Variants in CHID1 observed in about 807,000 individuals in gnomAD.
CHID1 encodes chitinase domain-containing protein 1.
In CHID1, 44 loss-of-function variants were observed where a neutral mutation model predicts 55.4. That is an observed-to-expected ratio of 0.79 (90% confidence interval 0.62 to 1.02). The LOEUF (loss-of-function observed/expected upper bound fraction) is 1.02. Ranked by LOEUF, CHID1 falls within the 50% of genes least tolerant of loss-of-function variation. The pLI is 0.00. For synonymous variants in CHID1, 216 were observed against 212.9 expected (o/e 1.01, Z -0.13); for missense variants, 491 against 515.3 (o/e 0.95, Z 0.46).
intron 10 of CHID1, among the ~76,000 whole-genome samples, chr11:880,367 C>T (rs554777298): frequency 4.4e-4 from 67 of 152,332 alleles, no homozygotes; most frequent in Admixed American, 7.2e-4. Context: ...TGACCCAGAG[C>T]GCACCCAGGG....
At chr11:883,648 A>C (rs1283616718) in intron 9 of CHID1, among the ~76,000 whole-genome samples, 2 of 152,222 alleles carry the variant, frequency 1.3e-5, no homozygotes, top group African/African-American at 4.8e-5. Flanking sequence ...CCCCCACCCC[A>C]CAGCCACAGG....
Position 884,061 on chromosome 11 carries a change from C to T in CHID1, c.803+7G>A. The T allele has an allele frequency of 3.7e-6, 6 of 1,611,302 alleles. No individual in the cohort carries two copies. Among genetic ancestry groups the T allele is most frequent in the Non-Finnish European group, 5.1e-6 (6 of 1,177,428 alleles). On this transcript the variant is annotated splice_region_variant and intron_variant, in intron 9 of 12. Transcript: ENST00000323578. ...TGTGCCCAGGAGCCCCCCAAGCCCA[C>T]ACTCACTGATGCGCTGTAGAGTAGT...
intron 8 of CHID1, among the ~76,000 whole-genome samples, chr11:893,011 G>C (rs1477804038): frequency 6.6e-6 from 1 of 152,240 alleles, no homozygotes; most frequent in Non-Finnish European, 1.5e-5. Flanking sequence ...TCTGCCTCTG[G>C]AGGGAGAGGA....
chr11:900,322 C>G (rs1002438911), intron 5 of CHID1, among the ~76,000 whole-genome samples: 1 of 152,132 alleles, frequency 6.6e-6, no homozygotes, highest in Non-Finnish European at 1.5e-5. Flanking sequence ...GGGGAAGGAG[C>G]GAGCAGACAC....
At chr11:912,245 G>A (rs1852736801), upstream of CHID1, among the ~76,000 whole-genome samples, 1 of 152,202 alleles carries the variant, frequency 6.6e-6, no homozygotes, top group South Asian at 2.1e-4. Flanking sequence ...TTGAACCTGG[G>A]AGGCTGAAGT....
chr11:876,246 G>A (rs908748695), intron 10 of CHID1, among the ~76,000 whole-genome samples: 6 of 152,156 alleles, frequency 3.9e-5, no homozygotes, highest in South Asian at 2.1e-4. Flanking sequence ...ACCCCACAAC[G>A]GGTGGCCCAT....
chr11:873,460 CCA>C (rs1849304154), intron 10 of CHID1, among the ~76,000 whole-genome samples: 1 of 152,186 alleles, frequency 6.6e-6, no homozygotes, highest in Admixed American at 6.5e-5. Context: ...CAGGCACCAG[CCA>C]CAGTGAGTGG....
In CHID1 at chr11:891,299, G is replaced by A. The variant is rs554807711; in HGVS notation, c.701+2128C>T. Among the ~76,000 whole-genome samples, 7 of 152,128 alleles carry A rather than the reference G, an allele frequency of 4.6e-5. No individual in the cohort carries two copies. In the South Asian group the frequency reaches 1.0e-3, roughly 23 times the overall value. On this transcript the variant is annotated intron_variant, in intron 8 of 12. Transcript: ENST00000323578. Reference sequence around the variant, plus strand: ...TCCCACTTCCCCGGGGACCCCCACCGTGGGCCTCGGCCCCGCCCCCAGCCT... The same window carrying A: ...TCCCACTTCCCCGGGGACCCCCACCATGGGCCTCGGCCCCGCCCCCAGCCT...
intron 10 of CHID1, among the ~76,000 whole-genome samples, chr11:871,699 G>C (rs1304965530): frequency 4.6e-5 from 7 of 152,244 alleles, no homozygotes. Flanking sequence ...TGTGGGAGGG[G>C]AGGACAGGCA....
chr11:914,684 C>T, upstream of CHID1: 1 of 557,700 alleles, frequency 1.8e-6, no homozygotes, highest in Non-Finnish European at 2.9e-6. Context: ...GATTGCACTG[C>T]TGCACTCCAG....
Position 869,968 on chromosome 11 carries a change from T to C in CHID1, c.1084-12A>G, listed in dbSNP as rs1220511036. ...CGCACCTGCAGGGACTGGGCACAGA[T>C]GGAGGTGTGAGCACCTGCTGGGGCC... On this transcript the variant is annotated splice_polypyrimidine_tract_variant and intron_variant, in intron 12 of 12. Transcript: ENST00000323578. The C allele has an allele frequency of 1.2e-6, 2 of 1,612,414 alleles. No individual in the cohort carries two copies. The highest frequency in any genetic ancestry group is 4.5e-5 in the East Asian group (2 of 44,866).
chr11:899,913 C>G, intron 6 of CHID1, 91 bp downstream of exon 6: 1 of 853,810 alleles, frequency 1.2e-6, no homozygotes, highest in Admixed American at 2.0e-5. Context: ...GACAGAAAAG[C>G]CGAGTGGAGG....
At chr11:870,770 G>C in intron 10 of CHID1, 1 of 417,558 alleles carries the variant, frequency 2.4e-6, no homozygotes, top group Non-Finnish European at 4.5e-6. Context: ...AGAGTGACAC[G>C]GGGCCTGAAA....
chr11:893,610 GCTGGTC>G, intron 7 of CHID1, 91 bp from the exon 8 acceptor site: 1 of 1,053,714 alleles, frequency 9.5e-7, no homozygotes, highest in Non-Finnish European at 1.4e-6. Flanking sequence ...GAGGGGTGGG[GCTGGTC>G]CCCAGCCTGA....
chr11:914,639 C>T, upstream of CHID1: 2 of 1,132,358 alleles, frequency 1.8e-6, no homozygotes, highest in Admixed American at 2.3e-5. Context: ...AGGCTGATCA[C>T]TTGAGCCCAG....
At chr11:871,243 G>A (rs1849158532) in intron 10 of CHID1, among the ~76,000 whole-genome samples, 1 of 151,998 alleles carries the variant, frequency 6.6e-6, no homozygotes, top group African/African-American at 2.4e-5. Context: ...TGTCCGCCTT[G>A]GCCTCCCAAA....
At position 881,585 on chromosome 11, in the gene CHID1, CCACGTCGGGCGGTAGGT is replaced by C. The variant is rs1849931608; in HGVS notation, c.959+1546_959+1562del. On this transcript the variant is annotated intron_variant, in intron 10 of 12. Coordinates refer to ENST00000323578, the MANE Select transcript of CHID1 (RefSeq NM_023947.4). The stretch of plus-strand genomic sequence containing the variant: ...GTAGGTTGGGTGGTGAGGGAAAGGA[CCACGTCGGGCGGTAGGT>C]TGGGTGGTGAGGGAAAGGACCACGT... Among the ~76,000 whole-genome samples, 3 of 32,962 alleles carry C rather than the reference CCACGTCGGGCGGTAGGT, an allele frequency of 9.1e-5. 1 individual carries two copies. Among genetic ancestry groups the C allele is most frequent in the Admixed American group, 5.8e-4 (2 of 3,428 alleles). The allele number at this position is 32,962 out of a possible 152,430, so 21.6% of individuals were successfully genotyped here.
rs896884976 is a variant in CHID1, at chr11:868,367, GC to G, written c.*1490del. On this transcript the variant is annotated 3_prime_UTR_variant, in exon 13 of 13. Coordinates refer to ENST00000323578, the MANE Select transcript of CHID1 (RefSeq NM_023947.4). The stretch of plus-strand genomic sequence containing the variant: ...TCCTCCCATCTCAGCCTCCTGAGTA[GC>G]CAGGAGTACAGGCACATGCCACCAT... 2 of 152,204 alleles carry G rather than the reference GC, an allele frequency of 1.3e-5. No individual in the cohort carries two copies. Among genetic ancestry groups the G allele is most frequent in the Admixed American group, 1.3e-4 (2 of 15,270 alleles). 9.4% of individuals were successfully genotyped at this position (152,204 alleles called of 1,614,324 possible). A position where few individuals can be genotyped will look rare whatever the true frequency, so the allele number is the denominator to read the frequency against.
At chr11:910,528 A>C (rs1589918879) in intron 1 of CHID1, 17 of 808,704 alleles carry the variant, frequency 2.1e-5, no homozygotes, top group South Asian at 5.3e-5. Context: ...CCCCGTCCAC[A>C]CTCGCCCTCC....
Sources: gnomAD v4.1 joint callset for allele counts (sites outside exome capture counted in the v4.1 genomes callset) on GRCh38, gnomAD v4.1.1 for gene constraint, MANE v1.5 for transcripts, NCBI Gene and HGNC (gene_info 2026-07-23, HGNC 2026-07-21) for gene names.